KPNA7: variants seen among roughly 807,000 people sequenced by gnomAD.
The protein encoded by KPNA7 is importin subunit alpha-8.
Under a neutral mutation model 53.7 loss-of-function variants are expected in KPNA7, and 54 were observed. The ratio of observed to expected loss-of-function variants is 1.01; its 90% CI spans 0.81 to 1.26. The LOEUF is 1.26. Ranked by LOEUF, KPNA7 falls within the 50% of genes most tolerant of loss-of-function variation. The pLI, the probability that KPNA7 is intolerant of heterozygous loss-of-function variation, is 0.00. For synonymous variants in KPNA7, 276 were observed against 259.3 expected (o/e 1.06, Z -0.62); for missense variants, 640 against 644.5 (o/e 0.99, Z 0.07).
chr7:99,181,866 T>G lies in KPNA7; in HGVS notation c.1317+17A>C, dbSNP rs73712734. ...GGAGACAGCTATTTACAAACCAACC[T>G]GTTCAGAACGGCTCACCTGGAGGAT... On this transcript the variant is annotated intron_variant, in intron 9 of 10. Coordinates refer to ENST00000327442, the MANE Select transcript of KPNA7 (RefSeq NM_001145715.3). 1,196 of 1,503,404 alleles carry G rather than the reference T, an allele frequency of 8.0e-4. 6 individuals carry two copies. The African/African-American group carries it at 0.014, about 18-fold the overall frequency. The allele number at this position is 1,503,404 out of a possible 1,614,324, so 93.1% of individuals were successfully genotyped here.
At chr7:99,154,080 GA>G in the KPNA7 span, among the ~76,000 whole-genome samples, 2 of 151,592 alleles carry the variant, frequency 1.3e-5, no homozygotes, top group South Asian at 4.2e-4. Flanking sequence ...GTAAATCAGG[GA>G]TACAGAATAT....
At chr7:99,175,952 C>T (rs1416165298) in intron 10 of KPNA7, among the ~76,000 whole-genome samples, 2 of 152,130 alleles carry the variant, frequency 1.3e-5, no homozygotes, top group Non-Finnish European at 2.9e-5. Flanking sequence ...CTGTAAACTC[C>T]TAGCCCCATG....
chr7:99,157,697 T>C, the KPNA7 span, among the ~76,000 whole-genome samples: 2 of 152,142 alleles, frequency 1.3e-5, no homozygotes, highest in African/African-American at 2.4e-5. Context: ...ATGGATGTGA[T>C]TCTAAAATTT....
chr7:99,197,845 ACAT>A (rs1790307747), intron 3 of KPNA7, among the ~76,000 whole-genome samples: 1 of 152,214 alleles, frequency 6.6e-6, no homozygotes. Context: ...GATCTGTGGG[ACAT>A]CATCAAGGAT....
chr7:99,203,332 T>A lies in KPNA7; in HGVS notation c.67-92A>T. 5 of 1,332,966 alleles carry A rather than the reference T, an allele frequency of 3.8e-6. No homozygotes were observed. The South Asian group carries it at 6.7e-5, about 18-fold the overall frequency. The allele number at this position is 1,332,966 out of a possible 1,614,324, so 82.6% of individuals were successfully genotyped here. A position where few individuals can be genotyped will look rare whatever the true frequency, so the allele number is the denominator to read the frequency against. ...CATGTTTCAAAGCATCCAATTTCAT[T>A]TTTACAGATACAATAGGCTGGAAAA... is the stretch of plus-strand genomic sequence containing the variant. On this transcript the variant is annotated intron_variant, in intron 2 of 10. Transcript: ENST00000327442.
At chr7:99,213,168 C>T (rs2150788011) in intron 1 of KPNA7, among the ~76,000 whole-genome samples, 1 of 149,336 alleles carries the variant, frequency 6.7e-6, no homozygotes, top group East Asian at 2.0e-4. Flanking sequence ...CACTCTGTTG[C>T]CAGGCTGGAG....
chr7:99,189,302 T>C (rs1266959612), intron 6 of KPNA7, among the ~76,000 whole-genome samples: 1 of 152,086 alleles, frequency 6.6e-6, no homozygotes, highest in Non-Finnish European at 1.5e-5. Flanking sequence ...TTAGTTTTAG[T>C]TTTAGTAGAG....
chr7:99,154,822 G>A, the KPNA7 span, among the ~76,000 whole-genome samples: 1 of 152,036 alleles, frequency 6.6e-6, no homozygotes. Flanking sequence ...TTGAATCTAT[G>A]TTCATGTAAT....
intron 2 of KPNA7, 24 bp from the exon 3 acceptor site, chr7:99,203,264 C>T (rs563106690): frequency 1.0e-5 from 16 of 1,545,610 alleles, no homozygotes; most frequent in South Asian, 3.6e-5. Context: ...GAAATTGGAG[C>T]ATTTAGAACC....
downstream of KPNA7, among the ~76,000 whole-genome samples, chr7:99,172,982 A>G: frequency 6.8e-6 from 1 of 147,686 alleles, no homozygotes; most frequent in Non-Finnish European, 1.5e-5. Flanking sequence ...AAATCACTGG[A>G]ACCTGGGAGA....
At chr7:99,190,028 G>T (rs748608453) in intron 6 of KPNA7, among the ~76,000 whole-genome samples, 1 of 151,964 alleles carries the variant, frequency 6.6e-6, no homozygotes, top group Non-Finnish European at 1.5e-5. Flanking sequence ...GTGGTTAGTA[G>T]TCAGCCCTTT....
At chr7:99,165,252 TCA>T in the KPNA7 span, among the ~76,000 whole-genome samples, 1 of 150,482 alleles carries the variant, frequency 6.6e-6, no homozygotes, top group African/African-American at 2.5e-5. Flanking sequence ...CAGGCCCTAC[TCA>T]CAGCCACTGC....
chr7:99,219,254 T>C (rs1563095835), intron 1 of KPNA7, among the ~76,000 whole-genome samples: 1 of 152,078 alleles, frequency 6.6e-6, no homozygotes, highest in Non-Finnish European at 1.5e-5. Flanking sequence ...GAGTAAACCA[T>C]CAAAAGGTGA....
At chr7:99,181,023 GTCTC>G (rs1554462254) in intron 9 of KPNA7, among the ~76,000 whole-genome samples, 415 of 3,360 alleles carry the variant, frequency 0.12, 167 homozygotes, top group African/African-American at 0.27. Context: ...CTGTGTGTGT[GTCTC>G]TCTGTGTGTG....
intron 9 of KPNA7, among the ~76,000 whole-genome samples, chr7:99,180,829 C>CT (rs1563068257): frequency 1.4e-5 from 1 of 70,706 alleles, no homozygotes. Flanking sequence ...CTCTCTCTCT[C>CT]CCCGTCTGTC....
chr7:99,188,029 G>A (rs1789708706), intron 7 of KPNA7, among the ~76,000 whole-genome samples: 2 of 151,170 alleles, frequency 1.3e-5, no homozygotes, highest in South Asian at 4.2e-4. Flanking sequence ...TACAAAATGA[G>A]CCGGGCGTGG....
At chr7:99,181,757 C>G in intron 9 of KPNA7, 126 bp downstream of exon 9, 2 of 801,744 alleles carry the variant, frequency 2.5e-6, no homozygotes, top group Admixed American at 6.7e-5. Flanking sequence ...GCCTCAAATT[C>G]CTGACCTCAG....
chr7:99,188,677 T>G (rs988402351), intron 6 of KPNA7, 114 bp from the exon 7 acceptor site: 1 of 1,110,898 alleles, frequency 9.0e-7, no homozygotes, highest in African/African-American at 1.6e-5. Flanking sequence ...CAGAGCTTTT[T>G]AAAATTTTAT....
chr7:99,180,817 G>C (rs150886077), intron 9 of KPNA7, among the ~76,000 whole-genome samples: 972 of 3,298 alleles, frequency 0.29, 343 homozygotes, highest in Non-Finnish European at 0.62. Context: ...CCCCGTCTGT[G>C]TCTCTCTCTC....
Sources: allele counts gnomAD v4.1 joint callset (sites outside exome capture counted in the v4.1 genomes callset), GRCh38; gene constraint gnomAD v4.1.1; transcripts MANE v1.5; gene names NCBI Gene and HGNC (gene_info 2026-07-23, HGNC 2026-07-21).